CD101: variants seen among roughly 807,000 people sequenced by gnomAD.
CD101 encodes immunoglobulin superfamily member 2.
In CD101, 76 loss-of-function variants were observed where a neutral mutation model predicts 98.2. The ratio of observed to expected loss-of-function variants is 0.77; its 90% CI spans 0.64 to 0.94. The LOEUF (loss-of-function observed/expected upper bound fraction) is 0.94. Among genes scored for constraint, CD101 ranks in the 40% least tolerant of loss-of-function variants. The probability of loss-of-function intolerance (pLI) is 0.00; values close to 1 mark genes in which losing one functional copy is unlikely to be tolerated. For missense variants in CD101, 1,145 were observed against 1,218.8 expected, an observed-to-expected ratio of 0.94 and a Z score of 0.90; for synonymous variants, 471 against 472.7, an observed-to-expected ratio of 1.00 and a Z score of 0.05.
rs535909978 is a variant in CD101 at position 117,024,091 on chromosome 1, C to T, written c.2429-1418C>T. ...CAGTATTCCATGTGCTAATATTCCA[C>T]GTGCTACTCCATGAAGGAAAGGGGA... On this transcript the variant is annotated intron_variant, in intron 7 of 9. Transcript: ENST00000682167. 8.5e-5 allele frequency among the ~76,000 whole-genome samples: 13 copies of T among 152,282 alleles called. 2 individuals are homozygous for T. The South Asian group carries it at 2.1e-3, about 24-fold the overall frequency.
intron 8 of CD101, among the ~76,000 whole-genome samples, chr1:117,027,522 A>G (rs917733467): frequency 6.6e-6 from 1 of 152,232 alleles, no homozygotes; most frequent in South Asian, 2.1e-4. Context: ...ATGAAAGAGT[A>G]TGCAAGATGA....
rs1402759040 is a variant in CD101, at chr1:117,036,092, G to T, written c.*34-76G>T. 1.3e-5 allele frequency: 2 copies of T among 152,270 alleles called. No homozygotes were observed. Among genetic ancestry groups the T allele is most frequent in the Non-Finnish European group, 2.9e-5 (2 of 68,128 alleles). 9.4% of individuals were successfully genotyped at this position (152,270 alleles called of 1,614,324 possible). On this transcript the variant is annotated intron_variant, in intron 9 of 9. Transcript: ENST00000682167. This position sits in a 1 kb window ranked among gnomAD's most constrained non-coding sequence, Gnocchi z 5.0. ...AATCCAGCACAGAGATAGCACAGAG[G>T]AGATGTAAGCAGACAGGGAGGGTCT...
At chr1:117,008,492 G>A (rs769119737) in intron 1 of CD101, among the ~76,000 whole-genome samples, 2 of 152,056 alleles carry the variant, frequency 1.3e-5, no homozygotes, top group Non-Finnish European at 2.9e-5. Flanking sequence ...CTAGAAATGT[G>A]TGTGGTTGGC....
At chr1:117,013,149 G>A (rs60138198) in intron 3 of CD101, among the ~76,000 whole-genome samples, 1 of 152,098 alleles carries the variant, frequency 6.6e-6, no homozygotes, top group African/African-American at 2.4e-5. Context: ...TCATACATTT[G>A]TGCATACATC....
intron 4 of CD101, among the ~76,000 whole-genome samples, chr1:117,016,244 T>C (rs1653213740): frequency 1.3e-5 from 2 of 149,064 alleles, no homozygotes; most frequent in Non-Finnish European, 3.0e-5. Flanking sequence ...TATATACACG[T>C]ATTTTCCCGC....
intron 9 of CD101, 76 bp downstream of exon 9, chr1:117,034,210 G>A (rs1226042810): frequency 1.2e-5 from 17 of 1,369,436 alleles, no homozygotes; most frequent in East Asian, 9.9e-5. Context: ...TGCGGCCTTG[G>A]GCAAGTTACC....
Position 117,029,265 on chromosome 1 carries a change from G to GAA in CD101, c.2824+3363_2824+3364dup, listed in dbSNP as rs1253503990. On this transcript the variant is annotated intron_variant, in intron 8 of 9. Transcript: ENST00000682167. ...AGAAAGAAAGAAAGAAAGAAAGAAA[G>GAA]AAAGAAAGAGTAGATACGGTTGACA... Among the ~76,000 whole-genome samples, 3 of 127,794 alleles carry GAA rather than the reference G, an allele frequency of 2.3e-5. 1 individual carries two copies. The Admixed American group carries it at 2.5e-4, about 11-fold the overall frequency. The allele number at this position is 127,794 out of a possible 152,430, so 83.8% of individuals were successfully genotyped here.
In CD101 at chr1:117,017,139, A is replaced by C. The variant is rs752506941; in HGVS notation, c.1278A>C (p.Glu426Asp). 3.1e-6 allele frequency: 5 copies of C among 1,614,110 alleles called. No individual in the cohort carries two copies. The highest frequency in any genetic ancestry group is 1.3e-5 in the African/African-American group (1 of 74,952). The change falls in exon 5 of 10, where the codon GAA (glutamate) becomes GAC (aspartate). Residue 426 changes from glutamate to aspartate, a missense_variant. By Grantham distance (45) the Glu-to-Asp change is conservative. Transcript: ENST00000682167. ...STKNKQQVVW[E>D]GETLAFLCKA... ...AGAACAAGCAGCAAGTTGTGTGGGA[A>C]GGAGAGACACTCGCCTTTCTCTGTA... is the stretch of plus-strand genomic sequence containing the variant.
chr1:117,016,050 G>A (rs1653195341), intron 4 of CD101, among the ~76,000 whole-genome samples: 1 of 151,894 alleles, frequency 6.6e-6, no homozygotes, highest in Non-Finnish European at 1.5e-5. Context: ...TTCCCATCTG[G>A]GAGCCAGATT....
rs140626844 is a variant in CD101 at position 117,017,319 on chromosome 1, G to A, written c.1458G>A (p.Leu486=). ...CCAGTTACCATGGCAACACAAGGCT[G>A]GAGAAAATGGACTGGGCCACCTTCC... ...GVPSYHGNTR[L]EKMDWATFQL... is the part of the protein sequence containing the mutation. Residue 486 remains leucine, a synonymous_variant, in exon 5 of 10, where the codon CTG becomes CTA. Transcript: ENST00000682167. 2.7e-4 allele frequency: 432 copies of A among 1,614,238 alleles called. No homozygotes were observed. Among genetic ancestry groups the A allele is most frequent in the Admixed American group, 8.5e-4 (51 of 60,032 alleles).
rs1261386885 is a variant in CD101 at position 117,030,089 on chromosome 1, T to C, written c.2825-3771T>C. ...CTTGTTACTATTTCCCAGCTTTTAT[T>C]TGGGTAAAGGTCTATTTAGAAATTA... On this transcript the variant is annotated intron_variant, in intron 8 of 9. Transcript: ENST00000682167. Among the ~76,000 whole-genome samples, 4 of 152,130 alleles carry C rather than the reference T, an allele frequency of 2.6e-5. No individual in the cohort carries two copies. The East Asian group carries it at 5.8e-4, about 22-fold the overall frequency.
rs1557772440 is a variant in CD101, at chr1:117,018,852, G to A, written c.2017+292G>A. Among the ~76,000 whole-genome samples, 1 of 152,146 alleles carries A rather than the reference G, an allele frequency of 6.6e-6. No homozygotes were observed. Among genetic ancestry groups the A allele is most frequent in the Non-Finnish European group, 1.5e-5 (1 of 68,032 alleles). On this transcript the variant is annotated intron_variant, in intron 6 of 9. Transcript: ENST00000682167. This position sits in a 1 kb window ranked among gnomAD's most constrained non-coding sequence, Gnocchi z 4.3. The stretch of plus-strand genomic sequence containing the variant: ...ACCCAGCAACTAAAGGGTACCACGT[G>A]GCACAGCAGGGGGCCTCTAGGACCT...
At position 117,013,479 on chromosome 1, in the gene CD101, G is replaced by C. The variant is rs754222925; in HGVS notation, c.915G>C (p.Leu305=). 9.3e-6 allele frequency: 15 copies of C among 1,614,044 alleles called. No individual in the cohort carries two copies. In the South Asian group the frequency reaches 1.6e-4, roughly 18 times the overall value. Residue 305 remains leucine (L), a synonymous_variant, in exon 4 of 10, where the codon CTG becomes CTC. Transcript: ENST00000682167. The part of the protein sequence containing the change: ...AEGKPLELVC[L]VVSSGRDPQL... ...GGAAACCCTTAGAACTGGTTTGCCTGGTTGTAAGCAGTGGCCGTGACCCAC... is the reference window on the plus strand; with the variant it reads ...GGAAACCCTTAGAACTGGTTTGCCTCGTTGTAAGCAGTGGCCGTGACCCAC...
chr1:117,029,246 A>T lies in CD101; in HGVS notation c.2824+3342A>T, dbSNP rs543198954. 1.6e-3 allele frequency among the ~76,000 whole-genome samples: 231 copies of T among 147,590 alleles called. 6 individuals are homozygous for T. Among genetic ancestry groups the T allele is most frequent in the African/African-American group, 5.5e-3 (209 of 37,674 alleles). ...GAAAGAAAGAAAGAAAGAAAGAAAG[A>T]AAGAAAGAAAGAAAGAAAGAAAGAA... is the stretch of plus-strand genomic sequence containing the variant. On this transcript the variant is annotated intron_variant, in intron 8 of 9. Transcript: ENST00000682167.
chr1:117,010,383 A>G lies in CD101; in HGVS notation c.424+153A>G, dbSNP rs554924361. Among the ~76,000 whole-genome samples, 2 of 152,334 alleles carry G rather than the reference A, an allele frequency of 1.3e-5. No homozygotes were observed. The highest frequency in any genetic ancestry group is 2.9e-5 in the Non-Finnish European group (2 of 68,032). On this transcript the variant is annotated intron_variant, in intron 2 of 9. Coordinates refer to ENST00000682167, the MANE Select transcript of CD101 (RefSeq NM_001256106.3). This position sits in a 1 kb window ranked among gnomAD's most constrained non-coding sequence, Gnocchi z 5.2. ...TGTGGATATTTTGGAGATATGTCAC[A>G]AGTGGGTATCTCATATTCTCTAAAA...
chr1:117,034,195 A>G, intron 9 of CD101, 61 bp downstream of exon 9: 1 of 1,491,596 alleles, frequency 6.7e-7, no homozygotes, highest in Non-Finnish European at 9.1e-7. Flanking sequence ...GTCCTCAACT[A>G]TGTCTGCGGC....
chr1:117,011,106 A>G (rs1570716169), intron 2 of CD101, among the ~76,000 whole-genome samples: 1 of 152,220 alleles, frequency 6.6e-6, no homozygotes, highest in South Asian at 2.1e-4. Flanking sequence ...ATACATTTTA[A>G]CAGCCATTAT....
At chr1:117,011,464 A>T in intron 2 of CD101, 86 bp from the exon 3 acceptor site, 1 of 1,141,804 alleles carries the variant, frequency 8.8e-7, no homozygotes, top group Non-Finnish European at 1.3e-6. Flanking sequence ...TGTGTGCTTT[A>T]CATAGGGTAG....
At chr1:117,025,026 T>A (rs1359042011) in intron 7 of CD101, among the ~76,000 whole-genome samples, 1 of 152,170 alleles carries the variant, frequency 6.6e-6, no homozygotes, top group African/African-American at 2.4e-5. Flanking sequence ...GCAGAGAATG[T>A]CCTGGCAAAT....
Sources: gnomAD v4.1 joint callset for allele counts (sites outside exome capture counted in the v4.1 genomes callset) on GRCh38, gnomAD v4.1.1 for gene constraint, Gnocchi (gnomAD v3.1) non-coding constraint, MANE v1.5 for transcripts, NCBI Gene and HGNC (gene_info 2026-07-23, HGNC 2026-07-21) for gene names.